The following ESR1 variants were observed in gnomAD, a reference collection of about 807,000 sequenced individuals.
The protein encoded by ESR1 is estrogen receptor.
ESR1 carries 12 observed loss-of-function variants against 52.7 expected under a neutral mutation model. The ratio of observed to expected loss-of-function variants is 0.23; its 90% CI spans 0.15 to 0.37. The LOEUF (loss-of-function observed/expected upper bound fraction) is 0.37, where lower values mean the gene tolerates loss of function less well. Among genes scored for constraint, ESR1 ranks in the 10% least tolerant of loss-of-function variants. ESR1 has a pLI of 1.00. For missense variants in ESR1, 584 were observed against 779.7 expected, an observed-to-expected ratio of 0.75 and a Z score of 2.99; for synonymous variants, 305 against 316.8, an observed-to-expected ratio of 0.96 and a Z score of 0.39.
At chr6:151,791,699 CAT>C (rs942278615) in intron 2 of ESR1, among the ~76,000 whole-genome samples, 3 of 152,168 alleles carry the variant, frequency 2.0e-5, no homozygotes, top group African/African-American at 7.2e-5. Flanking sequence ...CTTATGGAGA[CAT>C]GTGGCTTTCA....
upstream of ESR1, chr6:151,805,726 T>C (rs1416026494): frequency 6.6e-6 from 1 of 152,474 alleles, no homozygotes; most frequent in Non-Finnish European, 1.5e-5. Context: ...CACTCGCACA[T>C]GCGAGCACAT....
At chr6:151,779,567 C>T (rs557138050) in intron 2 of ESR1, among the ~76,000 whole-genome samples, 12 of 152,208 alleles carry the variant, frequency 7.9e-5, no homozygotes, top group African/African-American at 2.4e-4. Flanking sequence ...AACACATATA[C>T]TGTTGGTGGG....
At chr6:151,742,043 C>T (rs1256407853) in intron 2 of ESR1, among the ~76,000 whole-genome samples, 1 of 152,076 alleles carries the variant, frequency 6.6e-6, no homozygotes, top group Non-Finnish European at 1.5e-5. Context: ...TTTTCTGAGT[C>T]TTTGTTTATT....
At chr6:151,861,415 G>A (rs572679730) in intron 2 of ESR1, among the ~76,000 whole-genome samples, 5 of 152,324 alleles carry the variant, frequency 3.3e-5, no homozygotes, top group African/African-American at 1.2e-4. Context: ...AATATATTCT[G>A]TTAAATAAAA....
chr6:151,733,161 C>T (rs981071608), intron 2 of ESR1, among the ~76,000 whole-genome samples: 2 of 152,184 alleles, frequency 1.3e-5, no homozygotes, highest in African/African-American at 2.4e-5. Flanking sequence ...AGGTGATTCT[C>T]ATACTCCCAT....
In ESR1 at chr6:151,871,359, C is replaced by T. The variant is rs191992629; in HGVS notation, c.644-9296C>T. Among the ~76,000 whole-genome samples the T allele has an allele frequency of 1.4e-3, 210 of 151,956 alleles. 1 individual carries two copies. The highest frequency in any genetic ancestry group is 2.7e-3 in the Admixed American group (41 of 15,250). On this transcript the variant is annotated intron_variant, in intron 2 of 7. Transcript: ENST00000206249. ...GAGTACATTCACATTTTTGTGCAAC[C>T]GGAACTTTTCATCCTCCCAAAGTGA... is the stretch of plus-strand genomic sequence containing the variant.
chr6:152,043,735 A>T (rs906722054), intron 5 of ESR1, among the ~76,000 whole-genome samples: 3 of 152,166 alleles, frequency 2.0e-5, no homozygotes, highest in African/African-American at 7.2e-5. Flanking sequence ...CTGGTAAAAA[A>T]GATTCATCAG....
At chr6:152,041,993 C>T (rs922039317) in intron 5 of ESR1, among the ~76,000 whole-genome samples, 1 of 152,222 alleles carries the variant, frequency 6.6e-6, no homozygotes, top group African/African-American at 2.4e-5. Flanking sequence ...TGTCATTTTA[C>T]AAGATCCATC....
intron 1 of ESR1, among the ~76,000 whole-genome samples, chr6:151,657,771 A>C (rs1001050516): frequency 3.9e-5 from 6 of 152,198 alleles, no homozygotes; most frequent in African/African-American, 1.4e-4. Context: ...TTTCAAAAAT[A>C]GCTTATTGAA....
At chr6:152,088,338 A>C (rs888740883) in intron 6 of ESR1, among the ~76,000 whole-genome samples, 1 of 152,188 alleles carries the variant, frequency 6.6e-6, no homozygotes, top group African/African-American at 2.4e-5. Flanking sequence ...CACCAGACTG[A>C]GAAAACTAAA....
chr6:152,098,931 A>G lies in ESR1; in HGVS notation c.1753A>G (p.Thr585Ala), dbSNP rs1169308706. 1 of 1,614,070 alleles carries G rather than the reference A, an allele frequency of 6.2e-7. No homozygotes were observed. Among genetic ancestry groups the G allele is most frequent in the East Asian group, 2.2e-5 (1 of 44,876 alleles). ...GCATTCCTTGCAAAAGTATTACATC[A>G]CGGGGGAGGCAGAGGGTTTCCCTGC... is the stretch of plus-strand genomic sequence containing the variant. ...SSHSLQKYYI[T>A]GEAEGFPATV The change falls in exon 8 of 8, where the codon ACG (threonine) becomes GCG (alanine). Residue 585 changes from threonine to alanine, a missense_variant. This residue lies in a region of ESR1 where 71 missense variants were observed against 66.1 expected (regional missense o/e 1.07). Transcript: ENST00000206249. The surrounding 1 kb of genome is among the most constrained non-coding windows in gnomAD (Gnocchi z 5.1).
intron 1 of ESR1, among the ~76,000 whole-genome samples, chr6:151,829,131 C>T (rs555355810): frequency 1.3e-5 from 2 of 152,336 alleles, no homozygotes; most frequent in South Asian, 2.1e-4. Flanking sequence ...TTACATGATG[C>T]CCAACTTCTC....
intron 5 of ESR1, among the ~76,000 whole-genome samples, chr6:152,019,709 T>A (rs2043464233): frequency 6.6e-6 from 1 of 152,228 alleles, no homozygotes; most frequent in Non-Finnish European, 1.5e-5. Flanking sequence ...TTAAGTTACA[T>A]ATACTATGCA....
intron 4 of ESR1, among the ~76,000 whole-genome samples, chr6:151,993,956 A>G (rs948777446): frequency 6.6e-6 from 1 of 152,166 alleles, no homozygotes; most frequent in Non-Finnish European, 1.5e-5. Context: ...AAATAATGAT[A>G]ATGATAATAA....
chr6:151,844,974 G>C (rs926469289), intron 2 of ESR1, among the ~76,000 whole-genome samples: 16 of 152,070 alleles, frequency 1.1e-4, no homozygotes, highest in Non-Finnish European at 2.1e-4. Flanking sequence ...ATAGAGAGAT[G>C]TAAGAAATGA....
At chr6:151,758,896 T>C (rs1209914764) in intron 2 of ESR1, among the ~76,000 whole-genome samples, 3 of 152,040 alleles carry the variant, frequency 2.0e-5, no homozygotes, top group African/African-American at 7.2e-5. Flanking sequence ...CCAGTGTTCT[T>C]GTCATCACAA....
At chr6:152,074,685 G>A (rs2048594367) in intron 6 of ESR1, among the ~76,000 whole-genome samples, 2 of 152,194 alleles carry the variant, frequency 1.3e-5, no homozygotes, top group South Asian at 2.1e-4. Context: ...CCAAGTGGCT[G>A]TACCATTTTC....
chr6:151,669,183 AGAGAGATGGG>A lies in ESR1; in HGVS notation n.73+12421_73+12430del, dbSNP rs1210321498. ...GAGAGAGAGAGAGAGAGAGAGAGAGAGAGAGATGGGAATCCAGGGGAGAACAGAACAAGTG... is the reference window on the plus strand; with the variant it reads ...GAGAGAGAGAGAGAGAGAGAGAGAGAAATCCAGGGGAGAACAGAACAAGTG... On this transcript the variant is annotated intron_variant and non_coding_transcript_variant, in intron 1 of 2. Coordinates refer to the ESR1 transcript ENST00000473497. Among the ~76,000 whole-genome samples the A allele has an allele frequency of 7.8e-3, 945 of 121,796 alleles. 9 individuals are homozygous for A. The highest frequency in any genetic ancestry group is 0.013 in the Non-Finnish European group (744 of 55,416). The allele number at this position is 121,796 out of a possible 152,430, so 79.9% of individuals were successfully genotyped here.
At chr6:151,877,913 G>A (rs1180614842) in intron 2 of ESR1, among the ~76,000 whole-genome samples, 5 of 151,798 alleles carry the variant, frequency 3.3e-5, no homozygotes, top group African/African-American at 7.3e-5. Context: ...GGGCTCAAGC[G>A]ATTCTCCTGT....
Sources: allele counts gnomAD v4.1 joint callset (sites outside exome capture counted in the v4.1 genomes callset), GRCh38; gene constraint gnomAD v4.1.1; regional missense constraint gnomAD v4.1.1; non-coding constraint Gnocchi (gnomAD v3.1); transcripts MANE v1.5; gene names NCBI Gene and HGNC (gene_info 2026-07-23, HGNC 2026-07-21).